DPYSL2: variants seen among roughly 807,000 people sequenced by gnomAD.
DPYSL2 encodes the protein dihydropyrimidinase like 2.
In DPYSL2, 13 loss-of-function variants were observed where a neutral mutation model predicts 69.9. The ratio of observed to expected loss-of-function variants is 0.19; its 90% confidence interval spans 0.12 to 0.30. DPYSL2 has a LOEUF of 0.30. Ranked by LOEUF, DPYSL2 falls within the 10% of genes least tolerant of loss-of-function variation. DPYSL2 has a pLI of 1.00. For synonymous variants in DPYSL2, 326 were observed against 359.1 expected (o/e 0.91, Z 1.04); for missense variants, 587 against 918.9 (o/e 0.64, Z 4.67).
chr8:26,583,786 C>G lies in DPYSL2; in HGVS notation c.444-13C>G, dbSNP rs753542342. ...TTCATTTACAACCCTTATCACCAAC[C>G]CTGTTTATTTAGGCAAATAGGAGAA... is the stretch of plus-strand genomic sequence containing the variant. On this transcript the variant is annotated splice_polypyrimidine_tract_variant and intron_variant, in intron 2 of 13. Coordinates refer to ENST00000521913, the MANE Select transcript of DPYSL2 (RefSeq NM_001197293.3). The G allele has an allele frequency of 3.1e-6, 5 of 1,603,260 alleles. No individual in the cohort carries two copies. In the African/African-American group the frequency reaches 6.7e-5, roughly 22 times the overall value.
rs1337283230 is a variant in DPYSL2, at chr8:26,556,328, G to GTATATATATAGTATATATATATAGTA, written c.355-25610_355-25585dup. On this transcript the variant is annotated intron_variant, in intron 1 of 13. Coordinates refer to ENST00000521913, the MANE Select transcript of DPYSL2 (RefSeq NM_001197293.3). ...ATAGTATATATATACTATATATATA[G>GTATATATATAGTATATATATATAGTA]TATATATATAGTATATATATATAGT... 3.4e-4 allele frequency among the ~76,000 whole-genome samples: 6 copies of GTATATATATAGTATATATATATAGTA among 17,686 alleles called. 1 individual carries two copies. Among genetic ancestry groups the GTATATATATAGTATATATATATAGTA allele is most frequent in the Non-Finnish European group, 8.7e-4 (6 of 6,868 alleles). 11.6% of individuals were successfully genotyped at this position (17,686 alleles called of 152,430 possible).
intron 1 of DPYSL2, among the ~76,000 whole-genome samples, chr8:26,573,779 G>A (rs1332565609): frequency 6.8e-6 from 1 of 147,376 alleles, no homozygotes; most frequent in East Asian, 2.0e-4. Context: ...AGAGGTTGCA[G>A]TGAGCAAAGA....
chr8:26,611,729 C>G (rs1464760111), intron 3 of DPYSL2, among the ~76,000 whole-genome samples: 1 of 152,228 alleles, frequency 6.6e-6, no homozygotes, highest in Non-Finnish European at 1.5e-5. Flanking sequence ...TGCCTTCCCC[C>G]CAGGCCACGA....
In DPYSL2 at chr8:26,619,725, TTA is replaced by T. The variant is rs1802438501; in HGVS notation, c.629-4416_629-4415del. On this transcript the variant is annotated intron_variant, in intron 3 of 13. Coordinates refer to ENST00000521913, the MANE Select transcript of DPYSL2 (RefSeq NM_001197293.3). The surrounding 1 kb of genome is among the most constrained non-coding windows in gnomAD (Gnocchi z 4.8). ...AGGTCTGGGAACCTGTGTTTTATTT[TTA>T]TGTTATTTTTTTGAGACAGGGTCTT... is the stretch of plus-strand genomic sequence containing the variant. 6.6e-6 allele frequency: 1 copy of T among 152,270 alleles called. No individual in the cohort carries two copies. The highest frequency in any genetic ancestry group is 2.1e-4 in the South Asian group (1 of 4,836). 9.4% of individuals were successfully genotyped at this position (152,270 alleles called of 1,614,324 possible).
In DPYSL2 at chr8:26,545,255, A is replaced by G. The variant is rs565176257; in HGVS notation, c.354+30576A>G. ...AAACATTCTCTGGGATAGATCACAT[A>G]TTAGGCCACAAAATGAGTCTTAACA... is the stretch of plus-strand genomic sequence containing the variant. On this transcript the variant is annotated intron_variant, in intron 1 of 13. Coordinates refer to ENST00000521913, the MANE Select transcript of DPYSL2 (RefSeq NM_001197293.3). Among the ~76,000 whole-genome samples the G allele has an allele frequency of 2.6e-5, 4 of 152,346 alleles. No individual in the cohort carries two copies. In the East Asian group the frequency reaches 5.8e-4, roughly 22 times the overall value.
chr8:26,643,925 AC>A lies in DPYSL2; in HGVS notation c.1284-23del. 6.2e-7 allele frequency: 1 copy of A among 1,609,892 alleles called. No individual in the cohort carries two copies. The highest frequency in any genetic ancestry group is 8.5e-7 in the Non-Finnish European group (1 of 1,177,346). On this transcript the variant is annotated intron_variant, in intron 9 of 13. Transcript: ENST00000521913. This position sits in a 1 kb window ranked among gnomAD's most constrained non-coding sequence, Gnocchi z 6.5. ...CACAGCATCTTGACGAAGCTGCAGC[AC>A]CACGTTATGCATTTTCTTTGCAGTG...
At position 26,643,434 on chromosome 8, in the gene DPYSL2, G is replaced by T. The variant is rs1441693088; in HGVS notation, c.1127-5G>T. On this transcript the variant is annotated splice_polypyrimidine_tract_variant and splice_region_variant and intron_variant, in intron 8 of 13. Coordinates refer to ENST00000521913, the MANE Select transcript of DPYSL2 (RefSeq NM_001197293.3). This position sits in a 1 kb window ranked among gnomAD's most constrained non-coding sequence, Gnocchi z 6.5. ...GGACTGAACCTTGTGTGTTCTGTTT[G>T]TCAGGAACTGTGGTGTATGGCGAGC... The T allele has an allele frequency of 5.7e-6, 9 of 1,579,066 alleles. No homozygotes were observed. The Admixed American group carries it at 1.2e-4, about 22-fold the overall frequency.
Position 26,657,387 on chromosome 8 carries a change from C to G in DPYSL2, c.*1681C>G, listed in dbSNP as rs1803415661. 6.5e-6 allele frequency: 1 copy of G among 152,672 alleles called. No homozygotes were observed. The highest frequency in any genetic ancestry group is 2.4e-5 in the African/African-American group (1 of 41,448). The allele number at this position is 152,672 out of a possible 1,614,324, so 9.5% of individuals were successfully genotyped here. A position where few individuals can be genotyped will look rare whatever the true frequency, so the allele number is the denominator to read the frequency against. On this transcript the variant is annotated 3_prime_UTR_variant, in exon 14 of 14. Transcript: ENST00000521913. ...TATTCCAAACGTGTTTACAGGTTCTCTTAAGCAATGTTGTATTTGCAGGCT... is the reference window on the plus strand; with the variant it reads ...TATTCCAAACGTGTTTACAGGTTCTGTTAAGCAATGTTGTATTTGCAGGCT...
At chr8:26,553,191 GATTCATTCACTGGTGA>G (rs1402188706) in intron 1 of DPYSL2, among the ~76,000 whole-genome samples, 1 of 152,166 alleles carries the variant, frequency 6.6e-6, no homozygotes, top group Non-Finnish European at 1.5e-5. Context: ...ACCAGGCCCA[GATTCATTCACTGGTGA>G]ATTCAACCAA....
chr8:26,638,955 G>C (rs1024761409), intron 8 of DPYSL2, among the ~76,000 whole-genome samples: 1 of 152,216 alleles, frequency 6.6e-6, no homozygotes, highest in African/African-American at 2.4e-5. Context: ...TGTGTGAGTG[G>C]TGGCCGTGGG....
chr8:26,595,317 T>G (rs1010365061), intron 3 of DPYSL2, among the ~76,000 whole-genome samples: 1 of 152,128 alleles, frequency 6.6e-6, no homozygotes, highest in Non-Finnish European at 1.5e-5. Context: ...TATTTTTTTT[T>G]TCCTCCTCCA....
At chr8:26,622,448 A>ATGTG (rs10606826) in intron 3 of DPYSL2, among the ~76,000 whole-genome samples, 8 of 142,716 alleles carry the variant, frequency 5.6e-5, no homozygotes, top group South Asian at 2.3e-4. Flanking sequence ...GCCATATTGT[A>ATGTG]TGTGTGTGTG....
chr8:26,527,830 T>G (rs566116581), intron 1 of DPYSL2, among the ~76,000 whole-genome samples: 1 of 139,642 alleles, frequency 7.2e-6, no homozygotes, highest in Non-Finnish European at 1.5e-5. Flanking sequence ...TTAGATGGAG[T>G]CTTGCTCTGT....
Position 26,583,921 on chromosome 8 carries a change from C to T in DPYSL2, c.566C>T (p.Thr189Met), listed in dbSNP as rs367626082. Reference protein sequence around the residue: ...TRFQMPDQGMTSADDFFQGTK... With the variant: ...TRFQMPDQGMMSADDFFQGTK... ...TTCCAGATGCCTGATCAGGGAATGA[C>T]GTCTGCTGATGATTTCTTCCAAGGA... Residue 189 changes from threonine (T) to methionine (M), a missense_variant, in exon 3 of 14, where the codon ACG (threonine) becomes ATG (methionine). Thr to Met is a moderately conservative substitution (Grantham distance 81, BLOSUM62 -1). Around this residue, in one of 3 missense-constraint regions of DPYSL2, gnomAD observed 452 missense variants for 754.3 expected, o/e 0.60. Coordinates refer to ENST00000521913, the MANE Select transcript of DPYSL2 (RefSeq NM_001197293.3). The T allele has an allele frequency of 1.9e-5, 31 of 1,614,006 alleles. No homozygotes were observed. The highest frequency in any genetic ancestry group is 3.3e-4 in the Middle Eastern group (2 of 6,082).
chr8:26,554,442 A>G (rs1352234156), intron 1 of DPYSL2, among the ~76,000 whole-genome samples: 1 of 151,962 alleles, frequency 6.6e-6, no homozygotes, highest in East Asian at 1.9e-4. Flanking sequence ...GTAGTTTGCA[A>G]ATATTTTTTC....
At position 26,523,301 on chromosome 8, in the gene DPYSL2, A is replaced by T. The variant is rs115973623; in HGVS notation, c.354+8622A>T. ...TTTGGGAAAATAAATGAGTTCAATTAAAAAAATTATATTGTAATAACTACA... is the reference window on the plus strand; with the variant it reads ...TTTGGGAAAATAAATGAGTTCAATTTAAAAAATTATATTGTAATAACTACA... On this transcript the variant is annotated intron_variant, in intron 1 of 13. Transcript: ENST00000521913. Among the ~76,000 whole-genome samples, 1,253 of 152,258 alleles carry T rather than the reference A, an allele frequency of 8.2e-3. 18 individuals are homozygous for T. Among genetic ancestry groups the T allele is most frequent in the African/African-American group, 0.029 (1,197 of 41,534 alleles).
intron 1 of DPYSL2, among the ~76,000 whole-genome samples, chr8:26,543,760 T>C (rs936426904): frequency 1.1e-4 from 16 of 152,232 alleles, no homozygotes; most frequent in African/African-American, 2.9e-4. Flanking sequence ...GTGCTGGGAT[T>C]ACAGGCGTGA....
At position 26,642,405 on chromosome 8, in the gene DPYSL2, C is replaced by G. The variant is rs1006150645; in HGVS notation, c.1127-1034C>G. On this transcript the variant is annotated intron_variant, in intron 8 of 13. Transcript: ENST00000521913. This position sits in a 1 kb window ranked among gnomAD's most constrained non-coding sequence, Gnocchi z 5.3. ...GGTGAGGAGGATTTTCTTTTAAGTCCTTGAATGCAGAAGGGCTCCTTTGGA... is the reference window on the plus strand; with the variant it reads ...GGTGAGGAGGATTTTCTTTTAAGTCGTTGAATGCAGAAGGGCTCCTTTGGA... Among the ~76,000 whole-genome samples the G allele has an allele frequency of 4.6e-5, 7 of 152,110 alleles. No homozygotes were observed. The highest frequency in any genetic ancestry group is 1.3e-4 in the Admixed American group (2 of 15,278).
intron 7 of DPYSL2, among the ~76,000 whole-genome samples, chr8:26,629,252 A>G (rs576277779): frequency 1.8e-4 from 27 of 152,244 alleles, no homozygotes; most frequent in African/African-American, 5.3e-4. Context: ...ATGCATACAC[A>G]TAGTAACACA....
Sources: allele counts gnomAD v4.1 joint callset (sites outside exome capture counted in the v4.1 genomes callset), GRCh38; gene constraint gnomAD v4.1.1; regional missense constraint gnomAD v4.1.1; non-coding constraint Gnocchi (gnomAD v3.1); transcripts MANE v1.5; gene names NCBI Gene and HGNC (gene_info 2026-07-23, HGNC 2026-07-21).